The following SNAP29 variants were observed in gnomAD, a reference collection of about 807,000 sequenced individuals.
SNAP29 encodes synaptosome associated protein 29.
Under a neutral mutation model 27.9 loss-of-function variants are expected in SNAP29, and 13 were observed. The ratio of observed to expected loss-of-function variants is 0.47; its 90% CI spans 0.30 to 0.74. SNAP29 has a LOEUF of 0.74. Ranked by LOEUF, SNAP29 falls within the 30% of genes least tolerant of loss-of-function variation. SNAP29 has a pLI of 0.06. For missense variants in SNAP29, 368 were observed against 336.5 expected (o/e 1.09, Z -0.73); for synonymous variants, 119 against 127.1 (o/e 0.94, Z 0.43).
Position 20,859,161 on chromosome 22 carries a change from C to T in SNAP29, c.51C>T (p.Asp17=). ...SYNPFDDDGE[D]EGARPAPWRD... ...ATCCGTTCGACGACGACGGGGAGGA[C>T]GAAGGCGCCCGGCCGGCCCCTTGGA... The change falls in exon 1 of 5, where the codon GAC becomes GAT. Residue 17 remains aspartate (D), a synonymous_variant. Transcript: ENST00000215730. The T allele has an allele frequency of 1.2e-6, 2 of 1,606,340 alleles. No homozygotes were observed. The highest frequency in any genetic ancestry group is 1.7e-6 in the Non-Finnish European group (2 of 1,177,682).
intron 1 of SNAP29, chr22:20,859,606 G>C: frequency 1.8e-6 from 1 of 541,462 alleles, no homozygotes; most frequent in Non-Finnish European, 3.3e-6. Context: ...CTTACGCCTA[G>C]CTCACGGGGA....
chr22:20,875,186 T>C (rs1601650412), intron 2 of SNAP29, among the ~76,000 whole-genome samples: 1 of 152,104 alleles, frequency 6.6e-6, no homozygotes, highest in African/African-American at 2.4e-5. Flanking sequence ...TTCAGTGAGG[T>C]GGGCTTTGTC....
chr22:20,875,870 T>G lies in SNAP29; in HGVS notation c.435-5179T>G, dbSNP rs1250882733. On this transcript the variant is annotated intron_variant, in intron 2 of 4. Transcript: ENST00000215730. ...TTACATGGACGACCAAAAAAAAAAA[T>G]GGGGGGGCGGCTGGGTGCAGTGGCT... 3.9e-4 allele frequency among the ~76,000 whole-genome samples: 57 copies of G among 147,784 alleles called. 1 individual carries two copies. Among genetic ancestry groups the G allele is most frequent in the African/African-American group, 1.3e-3 (53 of 40,260 alleles).
At chr22:20,868,130 C>T (rs1928502839) in intron 1 of SNAP29, among the ~76,000 whole-genome samples, 1 of 152,166 alleles carries the variant, frequency 6.6e-6, no homozygotes, top group African/African-American at 2.4e-5. Flanking sequence ...GAGAAGACCG[C>T]AGTGTGGACA....
chr22:20,874,367 AC>A lies in SNAP29; in HGVS notation c.434+3835del, dbSNP rs1601650027. 4.8e-5 allele frequency among the ~76,000 whole-genome samples: 6 copies of A among 124,766 alleles called. No individual in the cohort carries two copies. In the East Asian group the frequency reaches 1.5e-3, roughly 31 times the overall value. 81.9% of individuals were successfully genotyped at this position (124,766 alleles called of 152,430 possible). ...AAATTAGCCACACACACACACACAC[AC>A]ACACACACACACACACACACACACA... On this transcript the variant is annotated intron_variant, in intron 2 of 4. Transcript: ENST00000215730.
chr22:20,860,967 G>T (rs1928302101), intron 1 of SNAP29, among the ~76,000 whole-genome samples: 1 of 152,088 alleles, frequency 6.6e-6, no homozygotes, highest in Non-Finnish European at 1.5e-5. Flanking sequence ...AGCCCAGGAT[G>T]TCAAGGTTGC....
In SNAP29 at chr22:20,883,556, C is replaced by T. The variant is rs267606180; in HGVS notation, c.606C>T (p.Ile202=). Residue 202 remains isoleucine, a synonymous_variant, in exon 4 of 5, where the codon ATC becomes ATT. Coordinates refer to ENST00000215730, the MANE Select transcript of SNAP29 (RefSeq NM_004782.4). ...ACCTTCGAGCCTATCACCAGAAGAT[C>T]GACAGCAACCTAGGTAAGACTGAGC... The part of the protein sequence containing the change: ...NPHLRAYHQK[I]DSNLDELSMG... 5 of 1,610,132 alleles carry T rather than the reference C, an allele frequency of 3.1e-6. No homozygotes were observed. The South Asian group carries it at 4.4e-5, about 14-fold the overall frequency.
intron 2 of SNAP29, 126 bp from the exon 3 acceptor site, chr22:20,880,922 GA>G (rs1928876335): frequency 1.5e-6 from 1 of 679,490 alleles, no homozygotes; most frequent in Admixed American, 2.2e-5. Context: ...ACTTTGGTCA[GA>G]AGGAGTTTGG....
chr22:20,883,666 C>G (rs573760160), intron 4 of SNAP29, 97 bp downstream of exon 4: 2 of 794,596 alleles, frequency 2.5e-6, no homozygotes, highest in Admixed American at 3.5e-5. Flanking sequence ...AGCTTCAGTT[C>G]CCTCACCACA....
chr22:20,879,587 T>A (rs971655355), intron 2 of SNAP29, among the ~76,000 whole-genome samples: 10 of 151,852 alleles, frequency 6.6e-5, no homozygotes, highest in African/African-American at 2.4e-4. Flanking sequence ...GGCTTATGCC[T>A]GTAATCCCAG....
chr22:20,859,170 C>T lies in SNAP29; in HGVS notation c.60C>T (p.Ala20=), dbSNP rs1295614953. 9.3e-6 allele frequency: 15 copies of T among 1,605,034 alleles called. 1 individual carries two copies. The Admixed American group carries it at 1.0e-4, about 11-fold the overall frequency. Residue 20 remains alanine (A), a synonymous_variant, in exon 1 of 5, where the codon GCC becomes GCT. Coordinates refer to ENST00000215730, the MANE Select transcript of SNAP29 (RefSeq NM_004782.4). The stretch of plus-strand genomic sequence containing the variant: ...ACGACGACGGGGAGGACGAAGGCGC[C>T]CGGCCGGCCCCTTGGAGGGACGCCC... The part of the protein sequence containing the change: ...PFDDDGEDEG[A]RPAPWRDARD...
In SNAP29 at chr22:20,859,076, C is replaced by A. The variant is rs754801836; in HGVS notation, c.-35C>A. 7.2e-6 allele frequency: 11 copies of A among 1,538,234 alleles called. No homozygotes were observed. The highest frequency in any genetic ancestry group is 8.9e-7 in the Non-Finnish European group (1 of 1,120,118). ...GACGGCGGCGGCAGTGGGGCTCCTC[C>A]TTCTGTTTCCCAGACCGAGAGCCGC... is the stretch of plus-strand genomic sequence containing the variant. On this transcript the variant is annotated 5_prime_UTR_variant, in exon 1 of 5. Coordinates refer to ENST00000215730, the MANE Select transcript of SNAP29 (RefSeq NM_004782.4).
intron 2 of SNAP29, among the ~76,000 whole-genome samples, chr22:20,878,963 G>T (rs954212055): frequency 6.6e-6 from 1 of 152,124 alleles, no homozygotes; most frequent in African/African-American, 2.4e-5. Flanking sequence ...AGGGACTTAC[G>T]TGATGAGAAA....
intron 2 of SNAP29, among the ~76,000 whole-genome samples, chr22:20,877,585 G>A (rs961264600): frequency 2.6e-5 from 4 of 151,646 alleles, no homozygotes; most frequent in Admixed American, 6.6e-5. Context: ...GCGTAGTGGC[G>A]CTCACCTATA....
chr22:20,887,571 C>G (rs927949418), intron 4 of SNAP29, 108 bp from the exon 5 acceptor site: 7 of 1,200,424 alleles, frequency 5.8e-6, no homozygotes, highest in South Asian at 4.9e-5. Context: ...TGCAGTCCCC[C>G]CAGGCAACAC....
At chr22:20,868,172 G>A (rs1349680963) in intron 1 of SNAP29, among the ~76,000 whole-genome samples, 1 of 152,262 alleles carries the variant, frequency 6.6e-6, no homozygotes, top group Non-Finnish European at 1.5e-5. Context: ...GATGGAAGGA[G>A]CAGAAATGCC....
chr22:20,872,723 A>G (rs1601649016), intron 2 of SNAP29, among the ~76,000 whole-genome samples: 1 of 141,890 alleles, frequency 7.0e-6, no homozygotes, highest in Non-Finnish European at 1.5e-5. Flanking sequence ...TTTAGTAGAG[A>G]TGGGGTTTCA....
intron 2 of SNAP29, among the ~76,000 whole-genome samples, chr22:20,871,334 T>A (rs1928586200): frequency 1.3e-5 from 2 of 148,740 alleles, no homozygotes; most frequent in East Asian, 2.0e-4. Context: ...AAAAAAAAAA[T>A]TAGCCAGACA....
At chr22:20,887,641 G>T in intron 4 of SNAP29, 38 bp from the exon 5 acceptor site, 1 of 1,613,632 alleles carries the variant, frequency 6.2e-7, no homozygotes, top group East Asian at 2.2e-5. Context: ...TGCCGTGACT[G>T]TTTGCTCATG....
Sources: gnomAD v4.1 joint callset for allele counts (sites outside exome capture counted in the v4.1 genomes callset) on GRCh38, gnomAD v4.1.1 for gene constraint, MANE v1.5 for transcripts, NCBI Gene and HGNC (gene_info 2026-07-23, HGNC 2026-07-21) for gene names.